KLHL35: variants seen among roughly 807,000 people sequenced by gnomAD.
The protein encoded by KLHL35 is kelch like family member 35.
KLHL35 carries 50 observed loss-of-function variants against 44.0 expected under a neutral mutation model. That is an observed-to-expected ratio of 1.14 (90% CI 0.91 to 1.44). The LOEUF is 1.44. Among genes scored for constraint, KLHL35 ranks in the 40% most tolerant of loss-of-function variants. The probability of loss-of-function intolerance (pLI) is 0.00; values close to 1 mark genes in which losing one functional copy is unlikely to be tolerated. For missense variants in KLHL35, 1,049 were observed against 887.8 expected (o/e 1.18, Z -2.31); for synonymous variants, 470 against 410.4 (o/e 1.15, Z -1.76).
chr11:75,426,539 A>C lies in KLHL35; in HGVS notation c.1166T>G (p.Met389Arg). Residue 389 changes from methionine (M) to arginine (R), a missense_variant, in exon 4 of 7, where the codon ATG becomes AGG. Coordinates refer to ENST00000539798, the MANE Select transcript of KLHL35 (RefSeq NM_001039548.3). ...SLHKGRWRHK[M>R]AVVQGQLFAV... ...GCCTACCTGCCCCTGCACAACTGCC[A>C]TCTTGTGCCTCCACCTGCCCTTGTG... 6.3e-7 allele frequency: 1 copy of C among 1,598,192 alleles called. No individual in the cohort carries two copies. Among genetic ancestry groups the C allele is most frequent in the Non-Finnish European group, 8.5e-7 (1 of 1,172,548 alleles).
chr11:75,423,927 C>A, intron 5 of KLHL35, 47 bp from the exon 6 acceptor site: 1 of 1,430,004 alleles, frequency 7.0e-7, no homozygotes, highest in Non-Finnish European at 9.4e-7. Context: ...CCCCCCCCAA[C>A]AAATGCCCCA....
At chr11:75,425,628 G>T in intron 4 of KLHL35, 47 bp from the exon 5 acceptor site, 1 of 1,395,284 alleles carries the variant, frequency 7.2e-7, no homozygotes. Flanking sequence ...AGGGCCTTAG[G>T]GCCCTCGGCC....
intron 2 of KLHL35, 73 bp downstream of exon 2, chr11:75,429,676 A>G: frequency 7.3e-7 from 1 of 1,377,566 alleles, no homozygotes; most frequent in Non-Finnish European, 9.4e-7. Context: ...CTAAAAGATG[A>G]TGAAAGAATG....
In KLHL35 at chr11:75,433,163, ACTCCCGTTTGCTGTTCGCTCGGG is replaced by A. The variant is rs1948554470; in HGVS notation, c.-145_-123del. 6.6e-6 allele frequency among the ~76,000 whole-genome samples: 1 copy of A among 151,676 alleles called. No individual in the cohort carries two copies. The highest frequency in any genetic ancestry group is 1.5e-5 in the Non-Finnish European group (1 of 67,970). On this transcript the variant is annotated 5_prime_UTR_variant, in exon 1 of 7. Coordinates refer to ENST00000539798, the MANE Select transcript of KLHL35 (RefSeq NM_001039548.3). ...CCAGTGTTCATGCTGCTCTGCCCAGACTCCCGTTTGCTGTTCGCTCGGGCTCAGCTGCGGGAGGACAAAGGGGC... is the reference window on the plus strand; with the variant it reads ...CCAGTGTTCATGCTGCTCTGCCCAGACTCAGCTGCGGGAGGACAAAGGGGC...
In KLHL35 at chr11:75,425,579, C is replaced by G; in HGVS notation, c.1188G>C (p.Leu396=). 6.8e-7 allele frequency: 1 copy of G among 1,476,734 alleles called. No individual in the cohort carries two copies. Among genetic ancestry groups the G allele is most frequent in the Non-Finnish European group, 8.9e-7 (1 of 1,120,592 alleles). The allele number at this position is 1,476,734 out of a possible 1,614,324, so 91.5% of individuals were successfully genotyped here. The change falls in exon 5 of 7, where the codon CTG becomes CTC. Residue 396 remains leucine, a splice_region_variant and synonymous_variant. Transcript: ENST00000539798. ...RHKMAVVQGQ[L]FAVGGFDGLR... ...GGCCGTCGAAGCCACCCACCGCGAA[C>G]AGCTGCAAGTGAGGACATGGGCCGG...
At chr11:75,428,708 C>A in intron 2 of KLHL35, 82 bp from the exon 3 acceptor site, 2 of 1,246,994 alleles carry the variant, frequency 1.6e-6, no homozygotes, top group South Asian at 3.0e-5. Context: ...ACTGCACGGT[C>A]CCGCTGCCCT....
At chr11:75,422,939 T>C in intron 6 of KLHL35, 171 bp from the exon 7 acceptor site, 1 of 620,960 alleles carries the variant, frequency 1.6e-6, no homozygotes, top group East Asian at 2.7e-5. Context: ...GCTTGACCCT[T>C]ATTCAGTGAA....
At position 75,430,659 on chromosome 11, in the gene KLHL35, G is replaced by A. The variant is rs140785997; in HGVS notation, c.-1-29C>T. 3,453 of 1,320,212 alleles carry A rather than the reference G, an allele frequency of 2.6e-3. 9 individuals are homozygous for A. The highest frequency in any genetic ancestry group is 9.5e-3 in the Middle Eastern group (38 of 4,002). The allele number at this position is 1,320,212 out of a possible 1,614,324, so 81.8% of individuals were successfully genotyped here. A position where few individuals can be genotyped will look rare whatever the true frequency, so the allele number is the denominator to read the frequency against. ...CCGGGGAGAGAACACAAACAGCGTC[G>A]GGGAAGCCACCTGGCTGCGCCCGGG... On this transcript the variant is annotated intron_variant, in intron 1 of 6. Transcript: ENST00000539798.
At position 75,426,575 on chromosome 11, in the gene KLHL35, A is replaced by G. The variant is rs776411291; in HGVS notation, c.1130T>C (p.Val377Ala). Residue 377 changes from valine to alanine, a missense_variant, in exon 4 of 7, where the codon GTA becomes GCA. By Grantham distance (64) the Val-to-Ala change is moderately conservative (BLOSUM62 0). Coordinates refer to ENST00000539798, the MANE Select transcript of KLHL35 (RefSeq NM_001039548.3). ...FSSHLHTWIK[V>A]ASLHKGRWRH... is the part of the protein sequence containing the mutation. ...CCACCTGCCCTTGTGCAGAGAGGCT[A>G]CCTTGATCCAGGTGTGCAGATGGGA... is the stretch of plus-strand genomic sequence containing the variant. 2 of 1,607,246 alleles carry G rather than the reference A, an allele frequency of 1.2e-6. No homozygotes were observed. The highest frequency in any genetic ancestry group is 1.1e-5 in the South Asian group (1 of 89,718).
chr11:75,430,047 C>T lies in KLHL35; in HGVS notation c.583G>A (p.Ala195Thr), dbSNP rs1948521366. ...VARHADFLELAPDEVVALLAD... is the reference protein window; with the variant it reads ...VARHADFLELTPDEVVALLAD... ...AGCAGCGCCACCACCTCGTCAGGCG[C>T]CAGCTCCAGGAAGTCGGCGTGGCGC... Residue 195 changes from alanine to threonine, a missense_variant, in exon 2 of 7, where the codon GCG becomes ACG. Ala to Thr is a moderately conservative substitution (Grantham distance 58). Transcript: ENST00000539798. 7.1e-7 allele frequency: 1 copy of T among 1,411,312 alleles called. No individual in the cohort carries two copies. Among genetic ancestry groups the T allele is most frequent in the Non-Finnish European group, 9.2e-7 (1 of 1,084,500 alleles). 87.4% of individuals were successfully genotyped at this position (1,411,312 alleles called of 1,614,324 possible). A position where few individuals can be genotyped will look rare whatever the true frequency, so the allele number is the denominator to read the frequency against.
In KLHL35 at chr11:75,429,828, A is replaced by C; in HGVS notation, c.802T>G (p.Cys268Gly). ...CGAGCCTCGAGCAGCAGCGGGCGGCACTCGCCGCAGGCCTGCAGCAGCTCG... is the reference window on the plus strand; with the variant it reads ...CGAGCCTCGAGCAGCAGCGGGCGGCCCTCGCCGCAGGCCTGCAGCAGCTCG... ...ADELLQACGECRPLLLEARAC... is the reference protein window; with the variant it reads ...ADELLQACGEGRPLLLEARAC... The change falls in exon 2 of 7, where the codon TGC becomes GGC. Residue 268 changes from cysteine (C) to glycine (G), a missense_variant. Coordinates refer to ENST00000539798, the MANE Select transcript of KLHL35 (RefSeq NM_001039548.3). 1.3e-6 allele frequency: 2 copies of C among 1,512,350 alleles called. No homozygotes were observed. Among genetic ancestry groups the C allele is most frequent in the Non-Finnish European group, 1.8e-6 (2 of 1,137,800 alleles). 93.7% of individuals were successfully genotyped at this position (1,512,350 alleles called of 1,614,324 possible).
rs2054054769 is a variant in KLHL35 at position 75,422,513 on chromosome 11, G to A, written c.*67C>T. The A allele has an allele frequency of 6.8e-7, 1 of 1,472,026 alleles. No individual in the cohort carries two copies. The allele number at this position is 1,472,026 out of a possible 1,614,324, so 91.2% of individuals were successfully genotyped here. ...GCTGTTTGCGTGGAGGTGCCATGAGGGAGCAGAGTGTGCATCTGAGCTCCG... is the reference window on the plus strand; with the variant it reads ...GCTGTTTGCGTGGAGGTGCCATGAGAGAGCAGAGTGTGCATCTGAGCTCCG... On this transcript the variant is annotated 3_prime_UTR_variant, in exon 7 of 7. Coordinates refer to ENST00000539798, the MANE Select transcript of KLHL35 (RefSeq NM_001039548.3).
rs1948520879 is a variant in KLHL35 at position 75,430,009 on chromosome 11, C to A, written c.621G>T (p.Ala207=). The A allele has an allele frequency of 7.1e-7, 1 of 1,415,978 alleles. No individual in the cohort carries two copies. Among genetic ancestry groups the A allele is most frequent in the South Asian group, 1.4e-5 (1 of 69,816 alleles). 87.7% of individuals were successfully genotyped at this position (1,415,978 alleles called of 1,614,324 possible). The change falls in exon 2 of 7, where the codon GCG becomes GCT. Residue 207 remains alanine, a synonymous_variant. Coordinates refer to ENST00000539798, the MANE Select transcript of KLHL35 (RefSeq NM_001039548.3). ...CGGCCTCCTCGCGCGCCACGCCCAG[C>A]GCGGGGTCCGCCAGCAGCGCCACCA... is the stretch of plus-strand genomic sequence containing the variant. The part of the protein sequence containing the change: ...DEVVALLADP[A]LGVAREEAVF...
Position 75,422,906 on chromosome 11 carries a change from G to C in KLHL35, c.1564-138C>G. 5.3e-6 allele frequency: 4 copies of C among 748,482 alleles called. No individual in the cohort carries two copies. In the South Asian group the frequency reaches 6.9e-5, roughly 13 times the overall value. The allele number at this position is 748,482 out of a possible 1,614,324, so 46.4% of individuals were successfully genotyped here. A position where few individuals can be genotyped will look rare whatever the true frequency, so the allele number is the denominator to read the frequency against. ...TGGACTGTAGAGAGGCAGGAAACTG[G>C]ATGGACCTGAGTTCCAGCTCTAGCT... On this transcript the variant is annotated intron_variant, in intron 6 of 6. Coordinates refer to ENST00000539798, the MANE Select transcript of KLHL35 (RefSeq NM_001039548.3).
chr11:75,430,537 C>CA lies in KLHL35; in HGVS notation c.92dup (p.Asn32GlufsTer166). On this transcript the variant is annotated frameshift_variant, in exon 2 of 7. Coordinates refer to ENST00000539798, the MANE Select transcript of KLHL35 (RefSeq NM_001039548.3). LOFTEE classifies it high-confidence loss of function. ...GGGTGCCGCTCCGCCGGTAGGCGTT[C>CA]AGGGCCTGCAGCACGCGCTGCGCGT... 1 of 1,450,648 alleles carries CA rather than the reference C, an allele frequency of 6.9e-7. No homozygotes were observed. The highest frequency in any genetic ancestry group is 9.0e-7 in the Non-Finnish European group (1 of 1,105,810). 89.9% of individuals were successfully genotyped at this position (1,450,648 alleles called of 1,614,324 possible). A position where few individuals can be genotyped will look rare whatever the true frequency, so the allele number is the denominator to read the frequency against.
At position 75,430,026 on chromosome 11, in the gene KLHL35, G is replaced by T; in HGVS notation, c.604C>A (p.Leu202Met). The T allele has an allele frequency of 7.0e-7, 1 of 1,419,508 alleles. No homozygotes were observed. Among genetic ancestry groups the T allele is most frequent in the Non-Finnish European group, 9.2e-7 (1 of 1,088,988 alleles). 87.9% of individuals were successfully genotyped at this position (1,419,508 alleles called of 1,614,324 possible). ...ACGCCCAGCGCGGGGTCCGCCAGCA[G>T]CGCCACCACCTCGTCAGGCGCCAGC... Reference protein sequence around the residue: ...LELAPDEVVALLADPALGVAR... With the variant: ...LELAPDEVVAMLADPALGVAR... Residue 202 changes from leucine (L) to methionine (M), a missense_variant, in exon 2 of 7, where the codon CTG becomes ATG. Physicochemically the swap from Leu to Met is conservative, Grantham distance 15. Coordinates refer to ENST00000539798, the MANE Select transcript of KLHL35 (RefSeq NM_001039548.3).
Position 75,422,732 on chromosome 11 carries a change from G to A in KLHL35, c.1600C>T (p.His534Tyr). Residue 534 changes from histidine to tyrosine, a missense_variant, in exon 7 of 7, where the codon CAC becomes TAC. Coordinates refer to ENST00000539798, the MANE Select transcript of KLHL35 (RefSeq NM_001039548.3). ...CGATCATCCCGCCCGCCAAGGATGT[G>A]GACCTTCCCGTCACACACAGTGACT... ...CGVTVCDGKVHILGGRDDRGE... is the reference protein window; with the variant it reads ...CGVTVCDGKVYILGGRDDRGE... 3 of 1,613,970 alleles carry A rather than the reference G, an allele frequency of 1.9e-6. No individual in the cohort carries two copies. Among genetic ancestry groups the A allele is most frequent in the Non-Finnish European group, 2.5e-6 (3 of 1,179,850 alleles).
chr11:75,429,964 G>A lies in KLHL35; in HGVS notation c.666C>T (p.Arg222=). ...GGGCCGGCGCGTCGTGGCGCACCCA[G>A]CGCATGGCCGCTTCAAACACGGCCT... ...REEAVFEAAM[R]WVRHDAPARR... The change falls in exon 2 of 7, where the codon CGC becomes CGT. Residue 222 remains arginine, a synonymous_variant. Coordinates refer to ENST00000539798, the MANE Select transcript of KLHL35 (RefSeq NM_001039548.3). 1 of 1,438,364 alleles carries A rather than the reference G, an allele frequency of 7.0e-7. No individual in the cohort carries two copies. Among genetic ancestry groups the A allele is most frequent in the Non-Finnish European group, 9.1e-7 (1 of 1,103,510 alleles). The allele number at this position is 1,438,364 out of a possible 1,614,324, so 89.1% of individuals were successfully genotyped here.
intron 2 of KLHL35, 121 bp from the exon 3 acceptor site, chr11:75,428,747 C>G (rs1948511286): frequency 1.2e-6 from 1 of 850,666 alleles, no homozygotes. Context: ...CACCCCCGCC[C>G]ACCCGATCCC....
Sources: gnomAD v4.1 joint callset for allele counts (sites outside exome capture counted in the v4.1 genomes callset) on GRCh38, gnomAD v4.1.1 for gene constraint, MANE v1.5 for transcripts, NCBI Gene and HGNC (gene_info 2026-07-23, HGNC 2026-07-21) for gene names.